The following ADAMTSL3 variants were observed in gnomAD, a reference collection of about 807,000 sequenced individuals.
ADAMTSL3 encodes ADAMTS-like protein 3.
In ADAMTSL3, 128 loss-of-function variants were observed where a neutral mutation model predicts 201.7. The observed-to-expected ratio is 0.63, with a 90% CI of 0.55 to 0.73. The LOEUF (loss-of-function observed/expected upper bound fraction) is 0.73. ADAMTSL3 is among the 30% of genes least tolerant of loss of function. The pLI is 0.00. For missense variants in ADAMTSL3, 1,990 were observed against 2,119.6 expected (o/e 0.94, Z 1.20); for synonymous variants, 738 against 748.4 (o/e 0.99, Z 0.23).
chr15:83,728,177 C>T (rs1160056473), intron 3 of ADAMTSL3, among the ~76,000 whole-genome samples: 1 of 151,444 alleles, frequency 6.6e-6, no homozygotes, highest in African/African-American at 2.4e-5. Flanking sequence ...GTACAGCTAC[C>T]CCTGCTCTTT....
chr15:83,816,937 AGTGAGCCATGATCAT>A (rs1323968934), intron 5 of ADAMTSL3, among the ~76,000 whole-genome samples: 1 of 152,208 alleles, frequency 6.6e-6, no homozygotes, highest in Non-Finnish European at 1.5e-5. Context: ...TCGAGGTTGC[AGTGAGCCATGATCAT>A]GCCACTGCGC....
At chr15:83,886,896 G>T (rs558293542) in intron 10 of ADAMTSL3, among the ~76,000 whole-genome samples, 1 of 152,322 alleles carries the variant, frequency 6.6e-6, no homozygotes, top group South Asian at 2.1e-4. Context: ...AGAAGTTTAT[G>T]TCCCTGGAAA....
At chr15:83,701,436 C>G (rs2061775893) in intron 2 of ADAMTSL3, among the ~76,000 whole-genome samples, 3 of 152,176 alleles carry the variant, frequency 2.0e-5, no homozygotes, top group South Asian at 4.2e-4. Context: ...CAGACTCCAA[C>G]CATTGTGATT....
chr15:83,874,314 A>G (rs1567205832), intron 9 of ADAMTSL3, among the ~76,000 whole-genome samples: 1 of 145,044 alleles, frequency 6.9e-6, no homozygotes, highest in Non-Finnish European at 1.5e-5. Flanking sequence ...TAGGGATCCC[A>G]CCTCCATCAG....
intron 16 of ADAMTSL3, among the ~76,000 whole-genome samples, chr15:83,917,713 G>GCA (rs2066063876): frequency 2.0e-5 from 3 of 152,028 alleles, no homozygotes; most frequent in Admixed American, 6.6e-5. Flanking sequence ...GTATATATAT[G>GCA]GACATTTGAG....
intron 4 of ADAMTSL3, among the ~76,000 whole-genome samples, chr15:83,795,667 A>G (rs1169442887): frequency 6.6e-6 from 1 of 152,218 alleles, no homozygotes; most frequent in Admixed American, 6.5e-5. Context: ...TGTTCTCTCA[A>G]AATTTGGAAG....
In ADAMTSL3 at chr15:83,726,000, C is replaced by T. The variant is rs145032898; in HGVS notation, c.189+21492C>T. 9.0e-3 allele frequency among the ~76,000 whole-genome samples: 1,366 copies of T among 152,204 alleles called. 24 individuals carry two copies. Among genetic ancestry groups the T allele is most frequent in the African/African-American group, 0.031 (1,295 of 41,550 alleles). On this transcript the variant is annotated intron_variant, in intron 3 of 29. Coordinates refer to ENST00000286744, the MANE Select transcript of ADAMTSL3 (RefSeq NM_207517.3). ...ACTTTTGGTATTATGGACATTTTAA[C>T]GATATTGATTCTTCCAACCCATGAA...
intron 25 of ADAMTSL3, among the ~76,000 whole-genome samples, chr15:84,019,076 T>TACACACACACAC (rs71453219): frequency 0.031 from 4,380 of 139,178 alleles, 131 homozygotes; most frequent in East Asian, 0.054. Flanking sequence ...CACACACACA[T>TACACACACACAC]ACACACACAC....
chr15:83,951,932 T>G (rs1331718826), intron 19 of ADAMTSL3, among the ~76,000 whole-genome samples: 1 of 152,154 alleles, frequency 6.6e-6, no homozygotes, highest in Non-Finnish European at 1.5e-5. Context: ...TTTTGTCGAT[T>G]TTATTTATGT....
chr15:83,765,202 C>G (rs1353483648), intron 3 of ADAMTSL3, among the ~76,000 whole-genome samples: 1 of 152,166 alleles, frequency 6.6e-6, no homozygotes, highest in Non-Finnish European at 1.5e-5. Flanking sequence ...TGTGTGACAG[C>G]TTGAGTGACA....
chr15:83,906,593 G>A (rs8028359), intron 15 of ADAMTSL3, among the ~76,000 whole-genome samples: 93,343 of 148,546 alleles, frequency 0.63, 30,300 homozygotes, highest in African/African-American at 0.79. Flanking sequence ...TTTAGTATAT[G>A]TATCTATATA....
At position 84,014,602 on chromosome 15, in the gene ADAMTSL3, C is replaced by T; in HGVS notation, c.4034C>T (p.Ser1345Phe). ...GGAGGATCTCTGAGTGGCAATGTTT[C>T]CTTGCTTTTCAATGGATCCCTGTTG... is the stretch of plus-strand genomic sequence containing the variant. ...KRGGSLSGNV[S>F]LLFNGSLLLQ... The change falls in exon 24 of 30, where the codon TCC (serine) becomes TTC (phenylalanine). Residue 1345 changes from serine to phenylalanine, a missense_variant. Ser to Phe is a radical substitution (Grantham distance 155). Coordinates refer to ENST00000286744, the MANE Select transcript of ADAMTSL3 (RefSeq NM_207517.3). The T allele has an allele frequency of 6.2e-7, 1 of 1,614,082 alleles. No individual in the cohort carries two copies. Among genetic ancestry groups the T allele is most frequent in the Non-Finnish European group, 8.5e-7 (1 of 1,179,972 alleles).
intron 3 of ADAMTSL3, among the ~76,000 whole-genome samples, chr15:83,727,181 A>G (rs1021705897): frequency 1.3e-5 from 2 of 151,710 alleles, no homozygotes; most frequent in African/African-American, 2.4e-5. Flanking sequence ...ATGTATTGGC[A>G]TATAGTTGCT....
intron 23 of ADAMTSL3, among the ~76,000 whole-genome samples, chr15:83,998,813 A>T (rs2067737414): frequency 1.3e-5 from 2 of 152,228 alleles, no homozygotes; most frequent in South Asian, 4.1e-4. Context: ...ATAAGATCTT[A>T]CTGAAATAAA....
At position 83,942,602 on chromosome 15, in the gene ADAMTSL3, T is replaced by C. The variant is rs1158120455; in HGVS notation, c.2124T>C (p.His708=). The change falls in exon 18 of 30, where the codon CAT becomes CAC. Residue 708 remains histidine (H), a synonymous_variant. Transcript: ENST00000286744. ...CNTEPCPPRW[H]VGSWGPCSAT... Reference sequence around the variant, plus strand: ...CACTTGTTTTCTGTTTTAGGTGGCATGTGGGCTCTTGGGGGCCCTGCTCAG... The same window carrying C: ...CACTTGTTTTCTGTTTTAGGTGGCACGTGGGCTCTTGGGGGCCCTGCTCAG... 6.2e-7 allele frequency: 1 copy of C among 1,612,524 alleles called. No individual in the cohort carries two copies. Among genetic ancestry groups the C allele is most frequent in the South Asian group, 1.1e-5 (1 of 90,998 alleles).
At chr15:84,034,566 T>C (rs2068469798) in intron 28 of ADAMTSL3, among the ~76,000 whole-genome samples, 1 of 152,162 alleles carries the variant, frequency 6.6e-6, no homozygotes, top group African/African-American at 2.4e-5. Flanking sequence ...AGTTGGTTTC[T>C]CAAAGTGGCG....
chr15:83,864,039 T>C (rs1467770452), intron 8 of ADAMTSL3, among the ~76,000 whole-genome samples: 1 of 152,164 alleles, frequency 6.6e-6, no homozygotes, highest in Non-Finnish European at 1.5e-5. Flanking sequence ...CCTTGATATA[T>C]ACACCCTCCC....
intron 3 of ADAMTSL3, among the ~76,000 whole-genome samples, chr15:83,734,039 G>T (rs866179442): frequency 1.3e-5 from 2 of 152,110 alleles, no homozygotes; most frequent in Non-Finnish European, 2.9e-5. Context: ...AGCGTAAAAG[G>T]AATAGTGAGT....
At chr15:83,964,886 G>T (rs1176356832) in intron 19 of ADAMTSL3, among the ~76,000 whole-genome samples, 2 of 152,148 alleles carry the variant, frequency 1.3e-5, no homozygotes, top group Non-Finnish European at 2.9e-5. Context: ...TTAAAGAAAA[G>T]AATTTTCAAC....
Sources: allele counts gnomAD v4.1 joint callset (sites outside exome capture counted in the v4.1 genomes callset), GRCh38; gene constraint gnomAD v4.1.1; transcripts MANE v1.5; gene names NCBI Gene and HGNC (gene_info 2026-07-23, HGNC 2026-07-21).